The following PPDPFL variants were observed in gnomAD, a reference collection of about 807,000 sequenced individuals.
PPDPFL encodes pancreatic progenitor cell differentiation and proliferation factor-like protein.
Under a neutral mutation model 12.6 loss-of-function variants are expected in PPDPFL, and 12 were observed. The ratio of observed to expected loss-of-function variants is 0.95; its 90% CI spans 0.61 to 1.54. PPDPFL has a LOEUF of 1.54. PPDPFL is among the 40% of genes most tolerant of loss of function. PPDPFL has a pLI of 0.00. For synonymous variants in PPDPFL, 24 were observed against 32.7 expected, an observed-to-expected ratio of 0.73 and a Z score of 0.91; for missense variants, 114 against 96.0, an observed-to-expected ratio of 1.19 and a Z score of -0.78.
At chr8:49,061,504 T>C (rs544632404) in intron 1 of PPDPFL, among the ~76,000 whole-genome samples, 2 of 152,226 alleles carry the variant, frequency 1.3e-5, no homozygotes, top group East Asian at 3.9e-4. Flanking sequence ...TGCCCACAGA[T>C]GGAAATTGGA....
rs78479128 is a variant in PPDPFL at position 49,063,270 on chromosome 8, C to T, written c.-45+8901C>T. Among the ~76,000 whole-genome samples the T allele has an allele frequency of 2.6e-4, 40 of 152,282 alleles. 1 individual carries two copies. The East Asian group carries it at 7.7e-3, about 29-fold the overall frequency. On this transcript the variant is annotated intron_variant, in intron 1 of 4. Coordinates refer to the PPDPFL transcript ENST00000517663. The stretch of plus-strand genomic sequence containing the variant: ...GGCAGAACAATCATTTTGGTCACTG[C>T]CCTGTGATGCAGGAGTGATGTAGTA...
intron 4 of PPDPFL, chr8:49,074,872 G>A: frequency 7.2e-7 from 1 of 1,386,850 alleles, no homozygotes; most frequent in Non-Finnish European, 9.4e-7. Context: ...ACATTTGAAT[G>A]CCTAGTAACT....
Position 49,074,155 on chromosome 8 carries a change from C to A in PPDPFL, c.133+19C>A. 1.2e-6 allele frequency: 2 copies of A among 1,604,328 alleles called. No individual in the cohort carries two copies. Among genetic ancestry groups the A allele is most frequent in the Middle Eastern group, 1.7e-4 (1 of 6,038 alleles). On this transcript the variant is annotated intron_variant, in intron 3 of 4. Coordinates refer to ENST00000522267, the MANE Select transcript of PPDPFL (RefSeq NM_001256597.2). ...CAGCAAGGTACTTAGTTATTTCTTT[C>A]AGTGTCATCCTTATTATTTCTTTTT...
chr8:49,055,830 T>G (rs1002444185), intron 1 of PPDPFL, among the ~76,000 whole-genome samples: 5 of 152,100 alleles, frequency 3.3e-5, no homozygotes, highest in African/African-American at 1.2e-4. Flanking sequence ...GAAAATCTAG[T>G]AGCCACTCTT....
chr8:49,072,918 T>C lies in PPDPFL; in HGVS notation c.55+33T>C, dbSNP rs1002964575. The stretch of plus-strand genomic sequence containing the variant: ...GCATCATCATAGAGACGTCCCTAGA[T>C]AATATGATTTGAGGTGATGTTTGTG... On this transcript the variant is annotated intron_variant, in intron 2 of 4. Transcript: ENST00000522267. The C allele has an allele frequency of 4.5e-6, 7 of 1,555,680 alleles. No homozygotes were observed. The African/African-American group carries it at 8.2e-5, about 18-fold the overall frequency.
intron 1 of PPDPFL, among the ~76,000 whole-genome samples, chr8:49,065,935 G>C (rs925221732): frequency 2.0e-5 from 3 of 152,202 alleles, no homozygotes; most frequent in African/African-American, 7.2e-5. Flanking sequence ...ATACGGCCTA[G>C]AAAGGGAATT....
intron 1 of PPDPFL, among the ~76,000 whole-genome samples, chr8:49,063,170 T>C (rs946012023): frequency 1.3e-5 from 2 of 152,208 alleles, no homozygotes; most frequent in Admixed American, 1.3e-4. Context: ...GGTTTACTCT[T>C]ACTCTATCCA....
upstream of PPDPFL, among the ~76,000 whole-genome samples, chr8:49,069,898 C>T (rs958064867): frequency 2.0e-5 from 3 of 152,194 alleles, no homozygotes; most frequent in Non-Finnish European, 2.9e-5. Context: ...TCGCCCACTG[C>T]ACTCCAGCCT....
At chr8:49,066,357 T>A (rs1808300261) in intron 1 of PPDPFL, among the ~76,000 whole-genome samples, 1 of 152,158 alleles carries the variant, frequency 6.6e-6, no homozygotes, top group Admixed American at 6.5e-5. Flanking sequence ...GGTGGCTTCA[T>A]CATAGTTGAC....
At position 49,062,120 on chromosome 8, in the gene PPDPFL, C is replaced by T. The variant is rs182277357; in HGVS notation, c.-45+7751C>T. Among the ~76,000 whole-genome samples the T allele has an allele frequency of 1.4e-4, 22 of 152,272 alleles. No homozygotes were observed. In the East Asian group the frequency reaches 3.9e-3, roughly 27 times the overall value. ...GCTGGCCTGCTAAGGTAGGAAAGGG[C>T]CTCTACCCTAAAGGAGCAGCAGGGC... On this transcript the variant is annotated intron_variant, in intron 1 of 4. Transcript: ENST00000517663.
At chr8:49,069,492 T>C (rs1041227836), upstream of PPDPFL, among the ~76,000 whole-genome samples, 2 of 152,212 alleles carry the variant, frequency 1.3e-5, no homozygotes, top group Non-Finnish European at 2.9e-5. Flanking sequence ...AAATAATAGC[T>C]GCTGGCAAGG....
chr8:49,066,712 A>C (rs1399569834), intron 1 of PPDPFL, among the ~76,000 whole-genome samples: 1 of 152,184 alleles, frequency 6.6e-6, no homozygotes, highest in Non-Finnish European at 1.5e-5. Context: ...TCAGCGGATC[A>C]CTAAACAGCC....
At chr8:49,067,739 G>A (rs1808321319), upstream of PPDPFL, among the ~76,000 whole-genome samples, 1 of 152,206 alleles carries the variant, frequency 6.6e-6, no homozygotes, top group Non-Finnish European at 1.5e-5. Context: ...TAGTCTTTCT[G>A]AATCCTTTCT....
At chr8:49,074,001 G>A (rs778252115) in intron 2 of PPDPFL, 58 bp from the exon 3 acceptor site, 57 of 1,126,352 alleles carry the variant, frequency 5.1e-5, no homozygotes, top group African/African-American at 9.2e-5. Flanking sequence ...TAAATGATGC[G>A]GATTTGCTTG....
At chr8:49,061,082 A>T (rs1267392875) in intron 1 of PPDPFL, among the ~76,000 whole-genome samples, 1 of 152,086 alleles carries the variant, frequency 6.6e-6, no homozygotes, top group African/African-American at 2.4e-5. Context: ...GGACCCTGTC[A>T]TGGGTGACAG....
chr8:49,075,034 A>G (rs1808468296), intron 4 of PPDPFL, 118 bp from the exon 5 acceptor site: 1 of 1,472,850 alleles, frequency 6.8e-7, no homozygotes, highest in Non-Finnish European at 9.2e-7. Context: ...CCAATGCAAG[A>G]TTGATTGTTG....
chr8:49,060,673 C>T (rs562992130), intron 1 of PPDPFL, among the ~76,000 whole-genome samples: 15 of 151,704 alleles, frequency 9.9e-5, no homozygotes, highest in Admixed American at 2.6e-4. Flanking sequence ...AAAGGATCAG[C>T]GGAAAAAAAT....
chr8:49,059,909 C>G (rs1808170264), intron 1 of PPDPFL, among the ~76,000 whole-genome samples: 2 of 151,978 alleles, frequency 1.3e-5, no homozygotes, highest in African/African-American at 4.8e-5. Context: ...TGTGATGAAA[C>G]TTATAAAGAT....
At chr8:49,060,494 G>A (rs949244078) in intron 1 of PPDPFL, among the ~76,000 whole-genome samples, 33 of 151,964 alleles carry the variant, frequency 2.2e-4, no homozygotes, top group Non-Finnish European at 3.4e-4. Flanking sequence ...TGTATTTTTA[G>A]TAGAGACAGG....
Sources: gnomAD v4.1 joint callset for allele counts (sites outside exome capture counted in the v4.1 genomes callset) on GRCh38, gnomAD v4.1.1 for gene constraint, MANE v1.5 for transcripts, NCBI Gene and HGNC (gene_info 2026-07-23, HGNC 2026-07-21) for gene names.